SYNE3: variants seen among roughly 807,000 people sequenced by gnomAD.
SYNE3 encodes the protein spectrin repeat containing nuclear envelope family member 3.
A neutral mutation model predicts 111.2 loss-of-function variants in SYNE3; 100 were observed. That is an observed-to-expected ratio of 0.90 (90% CI 0.77 to 1.06). The LOEUF is 1.06. SYNE3 is among the 50% of genes least tolerant of loss of function. SYNE3 has a pLI of 0.00. For synonymous variants in SYNE3, 547 were observed against 533.9 expected (o/e 1.02, Z -0.34); for missense variants, 1,160 against 1,240.3 (o/e 0.94, Z 0.97).
rs183856988 is a variant in SYNE3, at chr14:95,507,851, G to A, written c.-15+8745C>T. Among the ~76,000 whole-genome samples, 760 of 152,316 alleles carry A rather than the reference G, an allele frequency of 5.0e-3. 3 individuals are homozygous for A. The highest frequency in any genetic ancestry group is 8.1e-3 in the Non-Finnish European group (554 of 68,024). On this transcript the variant is annotated intron_variant, in intron 1 of 17. Coordinates refer to ENST00000682763, the MANE Select transcript of SYNE3 (RefSeq NM_152592.6). ...ACAAGTGGCGGAGGGGTTTCCCTAG[G>A]AGAAAAGGATGTGGTCAGAGAAGAC...
At chr14:95,505,811 G>A (rs552283657) in intron 1 of SYNE3, among the ~76,000 whole-genome samples, 1 of 152,128 alleles carries the variant, frequency 6.6e-6, no homozygotes, top group East Asian at 1.9e-4. Context: ...TACACCTGGG[G>A]CCTGCTCATG....
intron 1 of SYNE3, among the ~76,000 whole-genome samples, chr14:95,501,542 G>A (rs772399375): frequency 7.2e-5 from 11 of 152,188 alleles, no homozygotes; most frequent in Non-Finnish European, 1.2e-4. Context: ...CAGCGCATGC[G>A]GAAGAAAGAT....
chr14:95,444,132 G>T, intron 10 of SYNE3: 1 of 322,456 alleles, frequency 3.1e-6, no homozygotes, highest in Admixed American at 4.8e-5. Flanking sequence ...CCACGTTTCA[G>T]AACATTTATT....
intron 8 of SYNE3, among the ~76,000 whole-genome samples, chr14:95,448,310 T>C (rs17092294): frequency 0.29 from 43,471 of 152,042 alleles, 6,691 homozygotes; most frequent in African/African-American, 0.41. Flanking sequence ...CTAGAAAAGA[T>C]GGCCCACCAT....
At chr14:95,504,116 T>C (rs1442994257) in intron 1 of SYNE3, among the ~76,000 whole-genome samples, 1 of 152,242 alleles carries the variant, frequency 6.6e-6, no homozygotes, top group Non-Finnish European at 1.5e-5. Context: ...AATAATAATG[T>C]TTCATGGCAT....
intron 2 of SYNE3, 107 bp from the exon 3 acceptor site, chr14:95,468,074 G>T (rs1888305848): frequency 3.1e-6 from 4 of 1,309,514 alleles, no homozygotes; most frequent in Admixed American, 5.1e-5. Context: ...AAGGCCAGAG[G>T]ATCTGGGATT....
chr14:95,487,084 G>C (rs550634244), intron 1 of SYNE3, among the ~76,000 whole-genome samples: 1 of 151,868 alleles, frequency 6.6e-6, no homozygotes, highest in African/African-American at 2.4e-5. Flanking sequence ...TGCCCCACCC[G>C]CCCCTCCGCA....
intron 1 of SYNE3, among the ~76,000 whole-genome samples, chr14:95,490,678 T>C (rs1183243322): frequency 6.6e-6 from 1 of 152,236 alleles, no homozygotes; most frequent in Non-Finnish European, 1.5e-5. Flanking sequence ...TAAGAGCTGC[T>C]GCTGGTTGGT....
intron 1 of SYNE3, among the ~76,000 whole-genome samples, chr14:95,515,591 C>A (rs1380964652): frequency 6.6e-6 from 1 of 152,208 alleles, no homozygotes; most frequent in Non-Finnish European, 1.5e-5. Flanking sequence ...GGAGGACGGT[C>A]CATTCTCCTC....
intron 2 of SYNE3, among the ~76,000 whole-genome samples, chr14:95,473,674 C>G (rs1888678848): frequency 8.6e-5 from 13 of 151,822 alleles, no homozygotes; most frequent in Admixed American, 8.5e-4. Context: ...GGAGGTGTGA[C>G]AGTGGCTGGA....
chr14:95,484,024 G>A (rs911454964), intron 1 of SYNE3, among the ~76,000 whole-genome samples: 1 of 152,092 alleles, frequency 6.6e-6, no homozygotes, highest in Non-Finnish European at 1.5e-5. Context: ...TGATGCACCT[G>A]CTTCTCCAGA....
intron 1 of SYNE3, among the ~76,000 whole-genome samples, chr14:95,476,499 G>GT (rs1180014961): frequency 5.1e-4 from 78 of 152,340 alleles, no homozygotes; most frequent in African/African-American, 1.8e-3. Flanking sequence ...CCGGCCCTAG[G>GT]TAACACCTGC....
At chr14:95,444,299 A>C in intron 10 of SYNE3, 186 bp downstream of exon 10, 1 of 708,854 alleles carries the variant, frequency 1.4e-6, no homozygotes, top group South Asian at 2.8e-5. Flanking sequence ...CAGTTGTTTG[A>C]GGTCAGGAAC....
intron 11 of SYNE3, among the ~76,000 whole-genome samples, chr14:95,441,505 G>A (rs888212584): frequency 3.3e-5 from 5 of 152,156 alleles, no homozygotes; most frequent in African/African-American, 1.2e-4. Context: ...TAATAAAAGG[G>A]CAATTTCTCT....
intron 4 of SYNE3, 107 bp from the exon 5 acceptor site, chr14:95,457,445 T>C (rs879616498): frequency 5.9e-5 from 79 of 1,337,456 alleles, no homozygotes; most frequent in Non-Finnish European, 7.6e-5. Context: ...TGTGTGTGTG[T>C]TAGCAGGGGG....
At chr14:95,483,656 A>G (rs1326538382) in intron 1 of SYNE3, among the ~76,000 whole-genome samples, 1 of 152,152 alleles carries the variant, frequency 6.6e-6, no homozygotes, top group Non-Finnish European at 1.5e-5. Flanking sequence ...ACTCAACGGT[A>G]GCGCCCATGC....
intron 3 of SYNE3, among the ~76,000 whole-genome samples, chr14:95,467,283 A>G (rs930959297): frequency 3.3e-5 from 5 of 152,156 alleles, no homozygotes; most frequent in African/African-American, 1.2e-4. Context: ...TAACTTCCTA[A>G]CAACCTTCAA....
chr14:95,413,781 C>T lies in SYNE3; in HGVS notation c.*4045G>A, dbSNP rs1031339507. ...AGAGATGGAATTGGGTCAGGTCATC[C>T]TTGACCCATTTCCTCTGGAAGGGAG... On this transcript the variant is annotated 3_prime_UTR_variant, in exon 18 of 18. Transcript: ENST00000682763. 4 of 152,244 alleles carry T rather than the reference C, an allele frequency of 2.6e-5. No individual in the cohort carries two copies. Among genetic ancestry groups the T allele is most frequent in the African/African-American group, 9.7e-5 (4 of 41,450 alleles). The allele number at this position is 152,244 out of a possible 1,614,324, so 9.4% of individuals were successfully genotyped here. A position where few individuals can be genotyped will look rare whatever the true frequency, so the allele number is the denominator to read the frequency against.
intron 11 of SYNE3, among the ~76,000 whole-genome samples, chr14:95,441,076 C>T (rs1276394684): frequency 6.6e-6 from 1 of 152,198 alleles, no homozygotes; most frequent in Non-Finnish European, 1.5e-5. Flanking sequence ...CTTTACATAG[C>T]CTGCCATGAA....
Sources: gnomAD v4.1 joint callset for allele counts (sites outside exome capture counted in the v4.1 genomes callset) on GRCh38, gnomAD v4.1.1 for gene constraint, MANE v1.5 for transcripts, NCBI Gene and HGNC (gene_info 2026-07-23, HGNC 2026-07-21) for gene names.